The following WDR87 variants were observed in gnomAD, a reference collection of about 807,000 sequenced individuals.
WDR87 encodes WD repeat domain 87.
A neutral mutation model predicts 83.3 loss-of-function variants in WDR87; 56 were observed. The ratio of observed to expected loss-of-function variants is 0.67; its 90% confidence interval spans 0.54 to 0.84. The LOEUF (loss-of-function observed/expected upper bound fraction) is 0.84. Among genes scored for constraint, WDR87 ranks in the 40% least tolerant of loss-of-function variants. WDR87 has a pLI of 0.00. For missense variants in WDR87, 2,939 were observed against 3,431.9 expected (o/e 0.86, Z 3.59); for synonymous variants, 1,173 against 1,250.6 (o/e 0.94, Z 1.31).
At position 37,893,016 on chromosome 19, in the gene WDR87, G is replaced by C. The variant is rs922279220; in HGVS notation, c.2687C>G (p.Thr896Ser). 1 of 1,551,654 alleles carries C rather than the reference G, an allele frequency of 6.4e-7. No homozygotes were observed. Among genetic ancestry groups the C allele is most frequent in the Non-Finnish European group, 8.7e-7 (1 of 1,147,000 alleles). ...TGCTCCATCTGTAAGGACACTGTAG[G>C]TTACATCCTTGGAAAGTCTCATTTC... ...FLEMRLSKDVTYSVLTDGANR... is the reference protein window; with the variant it reads ...FLEMRLSKDVSYSVLTDGANR... The change falls in exon 4 of 6, where the codon ACC (threonine) becomes AGC (serine). Residue 896 changes from threonine to serine, a missense_variant. Transcript: ENST00000447313.
rs776647293 is a variant in WDR87, at chr19:37,889,556, G to T, written c.4115C>A (p.Thr1372Asn). Residue 1372 changes from threonine to asparagine, a missense_variant, in exon 6 of 6, where the codon ACC becomes AAC. Thr to Asn is a moderately conservative substitution (Grantham distance 65). Coordinates refer to ENST00000447313, the MANE Select transcript of WDR87 (RefSeq NM_001291088.2). ...AIREDMIQGV[T>N]QEVIRHKEVM... Reference sequence around the variant, plus strand: ...TTCCTTGTGTCTGATCACCTCTTGGGTCACACCTTGTATCATGTCCTCTCT... The same window carrying T: ...TTCCTTGTGTCTGATCACCTCTTGGTTCACACCTTGTATCATGTCCTCTCT... 4.1e-5 allele frequency: 63 copies of T among 1,551,442 alleles called. No homozygotes were observed. The African/African-American group carries it at 8.2e-4, about 20-fold the overall frequency.
In WDR87 at chr19:37,885,706, A is replaced by G. The variant is rs1049439881; in HGVS notation, c.7965T>C (p.Pro2655=). 6.4e-7 allele frequency: 1 copy of G among 1,551,690 alleles called. No individual in the cohort carries two copies. The highest frequency in any genetic ancestry group is 8.7e-7 in the Non-Finnish European group (1 of 1,147,006). ...KAKEKESWPK[P]LAVPTQKSPL... ...GGGACTTTTGTGTGGGGACAGCCAA[A>G]GGTTTTGGCCAGCTCTCCTTTTCCT... The change falls in exon 6 of 6, where the codon CCT becomes CCC. Residue 2655 remains proline, a synonymous_variant. Transcript: ENST00000447313.
At position 37,887,962 on chromosome 19, in the gene WDR87, T is replaced by C. The variant is rs765122414; in HGVS notation, c.5709A>G (p.Lys1903=). ...AQRKENLLYN[K]ERLTHSKKQL... ...GCTTTTTGCTGTGGGTGAGTCTTTC[T>C]TTATTATAGAGTAGGTTCTCTTTCC... Residue 1903 remains lysine (K), a synonymous_variant, in exon 6 of 6, where the codon AAA becomes AAG. Transcript: ENST00000447313. The C allele has an allele frequency of 3.9e-6, 6 of 1,550,822 alleles. No individual in the cohort carries two copies. The highest frequency in any genetic ancestry group is 5.2e-6 in the Non-Finnish European group (6 of 1,146,876).
chr19:37,896,419 G>T (rs893408649), intron 2 of WDR87, 111 bp from the exon 3 acceptor site: 4 of 1,151,096 alleles, frequency 3.5e-6, no homozygotes, highest in Non-Finnish European at 1.2e-6. Context: ...CCACCCGAAG[G>T]ACCTACTCCT....
At chr19:37,902,066 T>C (rs1343343046) in intron 1 of WDR87, among the ~76,000 whole-genome samples, 1 of 150,774 alleles carries the variant, frequency 6.6e-6, no homozygotes, top group African/African-American at 2.4e-5. Context: ...TTGCCACTCT[T>C]TCCCACACCA....
Position 37,888,961 on chromosome 19 carries a change from AG to A in WDR87, c.4709del (p.Ser1570LeufsTer14), listed in dbSNP as rs765100465. Reference sequence around the variant, plus strand: ...CCTTGTACTGTTGCTCCTTGGACTTAGATGATAACATATTTTCCCAGACTTG... The same window carrying A: ...CCTTGTACTGTTGCTCCTTGGACTTAATGATAACATATTTTCCCAGACTTG... Reference protein sequence around the residue: ...WKQVWENMLSSKSKEQQYKDE... With the variant: ...WKQVWENMLSXKSKEQQYKDE... On this transcript the variant is annotated frameshift_variant, in exon 6 of 6. Transcript: ENST00000447313. LOFTEE classifies it low-confidence loss of function (END_TRUNC). The A allele has an allele frequency of 9.0e-6, 14 of 1,551,972 alleles. No individual in the cohort carries two copies. The South Asian group carries it at 1.2e-4, about 13-fold the overall frequency.
intron 5 of WDR87, 44 bp downstream of exon 5, chr19:37,891,508 C>T (rs1385223604): frequency 4.5e-6 from 7 of 1,543,410 alleles, no homozygotes; most frequent in Non-Finnish European, 6.1e-6. Flanking sequence ...ACTACCCTGC[C>T]TCTTGGGGAC....
rs1599757177 is a variant in WDR87, at chr19:37,886,929, G to C, written c.6742C>G (p.Pro2248Ala). Residue 2248 changes from proline (P) to alanine (A), a missense_variant, in exon 6 of 6, where the codon CCA becomes GCA. By Grantham distance (27) the Pro-to-Ala change is conservative (BLOSUM62 -1). This residue lies in a region of WDR87 where 2,160 missense variants were observed against 2,533.1 expected (regional missense o/e 0.85). Coordinates refer to ENST00000447313, the MANE Select transcript of WDR87 (RefSeq NM_001291088.2). ...ACTTGACTGGAAAACTTTTCTTTTG[G>C]TTTGTCACCTCTCTTGGCCTCTTTC... ...KRKEAKRGDK[P>A]KEKFSSQVDE... is the part of the protein sequence containing the mutation. The C allele has an allele frequency of 3.9e-6, 6 of 1,551,208 alleles. No individual in the cohort carries two copies. The highest frequency in any genetic ancestry group is 4.4e-6 in the Non-Finnish European group (5 of 1,146,924).
Position 37,886,363 on chromosome 19 carries a change from A to G in WDR87, c.7308T>C (p.Ala2436=). 6.5e-7 allele frequency: 1 copy of G among 1,549,924 alleles called. No homozygotes were observed. Among genetic ancestry groups the G allele is most frequent in the Non-Finnish European group, 8.7e-7 (1 of 1,146,650 alleles). Residue 2436 remains alanine, a synonymous_variant, in exon 6 of 6, where the codon GCT becomes GCC. Transcript: ENST00000447313. Reference sequence around the variant, plus strand: ...CTGGTGTTTTCTCTTTCATCTCCAGAGCTGTTGACATCAGTTTCTTCAAAG... The same window carrying G: ...CTGGTGTTTTCTCTTTCATCTCCAGGGCTGTTGACATCAGTTTCTTCAAAG... ...KSPLKKLMST[A]LEMKEKTPVP...
chr19:37,899,183 C>T lies in WDR87; in HGVS notation c.-46-898G>A, dbSNP rs941456001. 3.9e-5 allele frequency among the ~76,000 whole-genome samples: 6 copies of T among 151,996 alleles called. No homozygotes were observed. The Middle Eastern group carries it at 0.01, about 258-fold the overall frequency. ...CCTGCAATCCCAGCCCTTTGGGAGG[C>T]GGAGGAGGATAGATCACCTGAGGTC... is the stretch of plus-strand genomic sequence containing the variant. On this transcript the variant is annotated intron_variant, in intron 1 of 5. Coordinates refer to ENST00000447313, the MANE Select transcript of WDR87 (RefSeq NM_001291088.2).
intron 1 of WDR87, among the ~76,000 whole-genome samples, chr19:37,898,617 C>T (rs1329237203): frequency 6.6e-6 from 1 of 152,140 alleles, no homozygotes; most frequent in Non-Finnish European, 1.5e-5. Flanking sequence ...AATAATAGTC[C>T]TTCACATTTT....
chr19:37,894,184 G>T lies in WDR87; in HGVS notation c.1519C>A (p.Leu507Met). The T allele has an allele frequency of 2.6e-6, 4 of 1,552,262 alleles. No individual in the cohort carries two copies. Among genetic ancestry groups the T allele is most frequent in the Non-Finnish European group, 3.5e-6 (4 of 1,147,130 alleles). ...CCTCCAGACAGCGTGGAGAGTGCCA[G>T]TACAGCGCCAAAGTGCATGAATTTT... is the stretch of plus-strand genomic sequence containing the variant. ...LEKFMHFGAV[L>M]ALSTLSGGIF... The change falls in exon 4 of 6, where the codon CTG becomes ATG. Residue 507 changes from leucine to methionine, a missense_variant. Physicochemically the swap from Leu to Met is conservative, Grantham distance 15. Transcript: ENST00000447313.
rs1231964041 is a variant in WDR87 at position 37,889,346 on chromosome 19, C to T, written c.4325G>A (p.Gly1442Glu). ...TCTTTCCTTCTGGACAGCTTTCCTC[C>T]CTTGCTTAGGTGACTTCTGAAAGGT... ...KKTFQKSPKQ[G>E]RKAVQKERKV... Residue 1442 changes from glycine (G) to glutamate (E), a missense_variant, in exon 6 of 6, where the codon GGG becomes GAG. Physicochemically the swap from Gly to Glu is moderately conservative, Grantham distance 98 (BLOSUM62 -2). Around this residue, in one of 3 missense-constraint regions of WDR87, gnomAD observed 2,160 missense variants for 2,533.1 expected, o/e 0.85. Transcript: ENST00000447313. The T allele has an allele frequency of 1.3e-6, 2 of 1,551,908 alleles. No homozygotes were observed. Among genetic ancestry groups the T allele is most frequent in the Non-Finnish European group, 1.7e-6 (2 of 1,147,070 alleles).
In WDR87 at chr19:37,889,445, C is replaced by T; in HGVS notation, c.4226G>A (p.Gly1409Asp). The T allele has an allele frequency of 6.4e-7, 1 of 1,551,820 alleles. No homozygotes were observed. The highest frequency in any genetic ancestry group is 1.2e-5 in the South Asian group (1 of 84,060). The part of the protein sequence containing the change: ...LEETQVILKK[G>D]KKVIFLEPGN... ...TGGTTCTAAAAAAATAACTTTCTTG[C>T]CCTTTTTCAAAATCACTTGGGTTTC... is the stretch of plus-strand genomic sequence containing the variant. Residue 1409 changes from glycine to aspartate, a missense_variant, in exon 6 of 6, where the codon GGC (glycine) becomes GAC (aspartate). By Grantham distance (94) the Gly-to-Asp change is moderately conservative. Around this residue, in one of 3 missense-constraint regions of WDR87, gnomAD observed 2,160 missense variants for 2,533.1 expected, o/e 0.85. Coordinates refer to ENST00000447313, the MANE Select transcript of WDR87 (RefSeq NM_001291088.2).
chr19:37,901,045 G>A (rs190351982), intron 1 of WDR87, among the ~76,000 whole-genome samples: 27 of 151,558 alleles, frequency 1.8e-4, no homozygotes, highest in Non-Finnish European at 3.5e-4. Context: ...AGGCTGAGAT[G>A]GGAGGATCAC....
In WDR87 at chr19:37,893,904, T is replaced by C. The variant is rs1240357203; in HGVS notation, c.1799A>G (p.Glu600Gly). 3.2e-6 allele frequency: 5 copies of C among 1,551,872 alleles called. No individual in the cohort carries two copies. ...GGCACACAGGTGCAGAGGCAGTGTT[T>C]CTATGAATTTCAAGCCATTCTGTGA... ...SGSQNGLKFIETLPLHLCAIT... is the reference protein window; with the variant it reads ...SGSQNGLKFIGTLPLHLCAIT... Residue 600 changes from glutamate to glycine, a missense_variant, in exon 4 of 6, where the codon GAA becomes GGA. This residue lies in a region of WDR87 where 553 missense variants were observed against 577.9 expected (regional missense o/e 0.96). Coordinates refer to ENST00000447313, the MANE Select transcript of WDR87 (RefSeq NM_001291088.2).
In WDR87 at chr19:37,894,673, G is replaced by T; in HGVS notation, c.1030C>A (p.His344Asn). ...DSITFFCQTAHSFSLHRLPCF... is the reference protein window; with the variant it reads ...DSITFFCQTANSFSLHRLPCF... ...GGCAGGCGGTGCAAGGAAAAACTATGGGCAGTTTGGCAGAAGAAAGTAATG... is the reference window on the plus strand; with the variant it reads ...GGCAGGCGGTGCAAGGAAAAACTATTGGCAGTTTGGCAGAAGAAAGTAATG... Residue 344 changes from histidine to asparagine, a missense_variant, in exon 4 of 6, where the codon CAT (histidine) becomes AAT (asparagine). Transcript: ENST00000447313. 1 of 1,551,728 alleles carries T rather than the reference G, an allele frequency of 6.4e-7. No individual in the cohort carries two copies. Among genetic ancestry groups the T allele is most frequent in the South Asian group, 1.2e-5 (1 of 84,050 alleles).
Position 37,885,801 on chromosome 19 carries a change from C to G in WDR87, c.7870G>C (p.Asp2624His). The G allele has an allele frequency of 1.3e-6, 2 of 1,551,746 alleles. No individual in the cohort carries two copies. The highest frequency in any genetic ancestry group is 2.0e-5 in the Admixed American group (1 of 50,984). ...YRHRQALESQ[D>H]TRISSRQSMS... is the part of the protein sequence containing the mutation. ...GACTGTCTACTTGAGATCCTTGTGT[C>G]TTGTGACTCCAGGGCCTGTCTGTGA... The change falls in exon 6 of 6, where the codon GAC becomes CAC. Residue 2624 changes from aspartate (D) to histidine (H), a missense_variant. Physicochemically the swap from Asp to His is moderately conservative, Grantham distance 81. Coordinates refer to ENST00000447313, the MANE Select transcript of WDR87 (RefSeq NM_001291088.2).
rs1343819476 is a variant in WDR87 at position 37,894,339 on chromosome 19, GA to G, written c.1363del (p.Ser455LeufsTer19). The G allele has an allele frequency of 1.9e-6, 3 of 1,551,676 alleles. No homozygotes were observed. The highest frequency in any genetic ancestry group is 2.6e-6 in the Non-Finnish European group (3 of 1,147,038). ...AKYLLGTSPN[S>X]QDFVQCLAYG... ...AGCCAGGCATTGTACAAAGTCCTGA[GA>G]ATTTGGTGAGGTGCCTAAGAGATAC... On this transcript the variant is annotated frameshift_variant, in exon 4 of 6. Transcript: ENST00000447313. LOFTEE classifies it high-confidence loss of function.
Sources: allele counts gnomAD v4.1 joint callset (sites outside exome capture counted in the v4.1 genomes callset), GRCh38; gene constraint gnomAD v4.1.1; regional missense constraint gnomAD v4.1.1; transcripts MANE v1.5; gene names NCBI Gene and HGNC (gene_info 2026-07-23, HGNC 2026-07-21).